CCAR2: variants seen among roughly 807,000 people sequenced by gnomAD.
CCAR2 encodes cell cycle and apoptosis regulator 2.
In CCAR2, 21 loss-of-function variants were observed where a neutral mutation model predicts 108.1. The observed-to-expected ratio is 0.19, with a 90% CI of 0.14 to 0.28. The LOEUF is 0.28. CCAR2 is among the 10% of genes least tolerant of loss of function. CCAR2 has a pLI of 1.00. For missense variants in CCAR2, 1,126 were observed against 1,177.0 expected, an observed-to-expected ratio of 0.96 and a Z score of 0.63; for synonymous variants, 577 against 472.8, an observed-to-expected ratio of 1.22 and a Z score of -2.86.
At chr8:22,611,970 A>G (rs1801302029) in intron 7 of CCAR2, among the ~76,000 whole-genome samples, 1 of 149,978 alleles carries the variant, frequency 6.7e-6, no homozygotes, top group Non-Finnish European at 1.5e-5. Flanking sequence ...GGTGAGACAG[A>G]GTATCGCTTT....
intron 10 of CCAR2, 93 bp from the exon 11 acceptor site, chr8:22,614,745 C>A: frequency 2.6e-6 from 4 of 1,553,840 alleles, no homozygotes; most frequent in Non-Finnish European, 3.5e-6. Context: ...CCACTTCCGG[C>A]TGCCTTCATC....
rs549430841 is a variant in CCAR2 at position 22,615,835 on chromosome 8, G to T, written c.1531G>T (p.Ala511Ser). Residue 511 changes from alanine to serine, a missense_variant, in exon 13 of 21, where the codon GCA becomes TCA. By Grantham distance (99) the Ala-to-Ser change is moderately conservative. Transcript: ENST00000308511. ...ACCCCCCCTAGAACCTGCTGTCATCGCACGCCCTGGCTGTGTAAACCTGTC... is the reference window on the plus strand; with the variant it reads ...ACCCCCCCTAGAACCTGCTGTCATCTCACGCCCTGGCTGTGTAAACCTGTC... Reference protein sequence around the residue: ...PPPPLEPAVIARPGCVNLSLH... With the variant: ...PPPPLEPAVISRPGCVNLSLH... The T allele has an allele frequency of 6.2e-7, 1 of 1,613,952 alleles. No individual in the cohort carries two copies. The highest frequency in any genetic ancestry group is 8.5e-7 in the Non-Finnish European group (1 of 1,180,030).
chr8:22,616,224 G>A lies in CCAR2; in HGVS notation c.1821G>A (p.Pro607=), dbSNP rs141429680. Residue 607 remains proline (P), a synonymous_variant, in exon 14 of 21, where the codon CCG becomes CCA. Coordinates refer to ENST00000308511, the MANE Select transcript of CCAR2 (RefSeq NM_001393997.1). ...AGGATGAGGCACAGAATGAGGGCCC[G>A]GCTACAGAGTCAGAGGCCCCGCTGG... is the stretch of plus-strand genomic sequence containing the variant. ...EPKDEAQNEG[P]ATESEAPLKE... is the part of the protein sequence containing the mutation. 833 of 1,613,078 alleles carry A rather than the reference G, an allele frequency of 5.2e-4. 5 individuals carry two copies. In the African/African-American group the frequency reaches 9.6e-3, roughly 19 times the overall value.
chr8:22,617,268 A>T, intron 14 of CCAR2, 152 bp from the exon 15 acceptor site: 1 of 890,824 alleles, frequency 1.1e-6, no homozygotes, highest in Non-Finnish European at 1.6e-6. Flanking sequence ...AATCCCACTT[A>T]ATGAAATTAA....
Position 22,616,021 on chromosome 8 carries a change from C to T in CCAR2, c.1618C>T (p.Leu540=), listed in dbSNP as rs1311986111. 3.1e-6 allele frequency: 5 copies of T among 1,613,956 alleles called. No individual in the cohort carries two copies. In the African/African-American group the frequency reaches 5.3e-5, roughly 17 times the overall value. ...KERISFEVMV[L]AELFLEMLQR... ...CCCACCTCCCCATCAGGTGATGGTG[C>T]TGGCCGAGCTGTTTCTGGAGATGCT... The change falls in exon 14 of 21, where the codon CTG becomes TTG. Residue 540 remains leucine (L), a synonymous_variant. Transcript: ENST00000308511.
In CCAR2 at chr8:22,619,901, T is replaced by C; in HGVS notation, c.*219T>C. The stretch of plus-strand genomic sequence containing the variant: ...ACCCCGGTTCCACTTAACAACTAAA[T>C]ACAACATCTTTTGCACCCCTAGAAT... On this transcript the variant is annotated 3_prime_UTR_variant, in exon 21 of 21. Transcript: ENST00000308511. The C allele has an allele frequency of 1.7e-6, 1 of 581,306 alleles. No homozygotes were observed. The highest frequency in any genetic ancestry group is 2.1e-5 in the South Asian group (1 of 48,304). 36.0% of individuals were successfully genotyped at this position (581,306 alleles called of 1,614,324 possible). A position where few individuals can be genotyped will look rare whatever the true frequency, so the allele number is the denominator to read the frequency against.
In CCAR2 at chr8:22,606,187, C is replaced by T. The variant is rs185437941; in HGVS notation, c.150+11C>T. The T allele has an allele frequency of 2.9e-4, 467 of 1,603,792 alleles. 3 individuals are homozygous for T. The African/African-American group carries it at 5.4e-3, about 19-fold the overall frequency. On this transcript the variant is annotated intron_variant, in intron 3 of 20. Transcript: ENST00000308511. ...GCCAGGCACCTTCAGGTAGGTTCGG[C>T]ATCCCTTGTAGTAAGTTTCAGCCCT...
intron 7 of CCAR2, among the ~76,000 whole-genome samples, chr8:22,608,828 CA>C (rs960638458): frequency 1.3e-5 from 2 of 152,168 alleles, no homozygotes; most frequent in Non-Finnish European, 2.9e-5. Context: ...TCACTATATG[CA>C]AGGTAAACAG....
At chr8:22,617,183 G>GTAAT (rs1801556341) in intron 14 of CCAR2, among the ~76,000 whole-genome samples, 1 of 151,982 alleles carries the variant, frequency 6.6e-6, no homozygotes, top group Non-Finnish European at 1.5e-5. Flanking sequence ...TCAAATGAAT[G>GTAAT]TAATTTCTTC....
chr8:22,619,354 A>G lies in CCAR2; in HGVS notation c.2726A>G (p.Lys909Arg). The G allele has an allele frequency of 6.4e-7, 1 of 1,556,922 alleles. No homozygotes were observed. Among genetic ancestry groups the G allele is most frequent in the South Asian group, 1.2e-5 (1 of 84,596 alleles). Residue 909 changes from lysine to arginine, a missense_variant and splice_region_variant, in exon 20 of 21, where the codon AAG becomes AGG. Coordinates refer to ENST00000308511, the MANE Select transcript of CCAR2 (RefSeq NM_001393997.1). ...CTGGAGATCCAGCGGGTGGTGGAAA[A>G]GGTAAGGTGGGGGTGGACCAGGAGG... Reference protein sequence around the residue: ...LQLEIQRVVEKADSWVEKEEP... With the variant: ...LQLEIQRVVERADSWVEKEEP...
At chr8:22,605,702 A>T (rs200406449) in intron 1 of CCAR2, 34 bp from the exon 2 acceptor site, 27 of 1,314,300 alleles carry the variant, frequency 2.1e-5, no homozygotes, top group African/African-American at 2.9e-5. Flanking sequence ...AATTTCCCTT[A>T]TAAGCTGTTA....
downstream of CCAR2, chr8:22,620,489 A>G (rs933831298): frequency 7.3e-6 from 1 of 137,084 alleles, no homozygotes; most frequent in Admixed American, 8.7e-5. Context: ...TGTGTCCTCC[A>G]CAGCTCTTCC....
chr8:22,604,941 G>T (rs915302322), intron 1 of CCAR2, 99 bp downstream of exon 1: 9 of 353,844 alleles, frequency 2.5e-5, no homozygotes, highest in African/African-American at 2.0e-4. Flanking sequence ...GATGCGTGGG[G>T]CGCGGAAGGG....
intron 3 of CCAR2, 153 bp from the exon 4 acceptor site, chr8:22,606,454 G>C: frequency 1.5e-6 from 1 of 664,640 alleles, no homozygotes; most frequent in South Asian, 1.8e-5. Flanking sequence ...CCCTAATGAT[G>C]GAGTATGCCC....
In CCAR2 at chr8:22,617,857, G is replaced by C. The variant is rs1008972223; in HGVS notation, c.2073+79G>C. On this transcript the variant is annotated intron_variant, in intron 16 of 20. Transcript: ENST00000308511. ...GCCTCTGGCCCACTCCTGGGAGAAG[G>C]ATGCTTACCAGTGACTTCCTTTCTT... The C allele has an allele frequency of 2.1e-6, 3 of 1,446,592 alleles. No homozygotes were observed. In the African/African-American group the frequency reaches 4.2e-5, roughly 20 times the overall value. The allele number at this position is 1,446,592 out of a possible 1,614,324, so 89.6% of individuals were successfully genotyped here. A position where few individuals can be genotyped will look rare whatever the true frequency, so the allele number is the denominator to read the frequency against.
At chr8:22,609,052 CTTTT>C (rs71546822) in intron 7 of CCAR2, among the ~76,000 whole-genome samples, 1 of 133,140 alleles carries the variant, frequency 7.5e-6, no homozygotes, top group Non-Finnish European at 1.6e-5. Context: ...CTTTTTTTTT[CTTTT>C]TTTTTTTTTT....
At chr8:22,610,592 T>G (rs1050768397) in intron 7 of CCAR2, among the ~76,000 whole-genome samples, 11 of 152,206 alleles carry the variant, frequency 7.2e-5, no homozygotes, top group African/African-American at 2.7e-4. Context: ...GGTCTTCTAT[T>G]AGAAACATGG....
At chr8:22,605,559 T>C (rs909767991) in intron 1 of CCAR2, 177 bp from the exon 2 acceptor site, 14 of 585,002 alleles carry the variant, frequency 2.4e-5, no homozygotes, top group African/African-American at 1.5e-4. Context: ...ACTGGAACAA[T>C]GTAATTTCTT....
intron 7 of CCAR2, among the ~76,000 whole-genome samples, chr8:22,608,480 A>C (rs1801162688): frequency 6.6e-6 from 1 of 152,220 alleles, no homozygotes; most frequent in Admixed American, 6.5e-5. Context: ...CTTTATAGAC[A>C]CCATACTCAT....
Sources: allele counts gnomAD v4.1 joint callset (sites outside exome capture counted in the v4.1 genomes callset), GRCh38; gene constraint gnomAD v4.1.1; transcripts MANE v1.5; gene names NCBI Gene and HGNC (gene_info 2026-07-23, HGNC 2026-07-21).